Variants in ERC2 observed in about 807,000 individuals in gnomAD.
ERC2 encodes ERC protein 2.
ERC2 carries 42 observed loss-of-function variants against 114.8 expected under a neutral mutation model. That is an observed-to-expected ratio of 0.37 (90% CI 0.29 to 0.47). The LOEUF (loss-of-function observed/expected upper bound fraction) is 0.47. Ranked by LOEUF, ERC2 falls within the 20% of genes least tolerant of loss-of-function variation. The pLI is 0.99. For synonymous variants in ERC2, 454 were observed against 425.5 expected, an observed-to-expected ratio of 1.07 and a Z score of -0.82; for missense variants, 939 against 1,150.7, an observed-to-expected ratio of 0.82 and a Z score of 2.66.
chr3:56,445,649 G>A (rs1346264999), intron 1 of ERC2, among the ~76,000 whole-genome samples: 1 of 152,140 alleles, frequency 6.6e-6, no homozygotes, highest in Non-Finnish European at 1.5e-5. Context: ...TGCAGGATCT[G>A]AGTACAGCCA....
intron 2 of ERC2, among the ~76,000 whole-genome samples, chr3:56,420,177 CTTTTTTTTTTTT>C (rs34883402): frequency 5.5e-5 from 4 of 72,308 alleles, no homozygotes; most frequent in South Asian, 1.1e-3. Flanking sequence ...AGTGGTTATA[CTTTTTTTTTTTT>C]TTTTTTTTTT....
At chr3:56,421,397 C>A (rs554961989) in intron 2 of ERC2, among the ~76,000 whole-genome samples, 47 of 152,324 alleles carry the variant, frequency 3.1e-4, no homozygotes, top group African/African-American at 1.1e-3. Context: ...CTCAGAAAGA[C>A]CTTTTCCATA....
chr3:56,262,547 G>A (rs1057282151), intron 3 of ERC2, among the ~76,000 whole-genome samples: 2 of 152,204 alleles, frequency 1.3e-5, no homozygotes, highest in African/African-American at 2.4e-5. Flanking sequence ...GGCCAAAGGA[G>A]TAACAGATAT....
intron 10 of ERC2, among the ~76,000 whole-genome samples, chr3:55,999,078 C>T (rs547810453): frequency 3.3e-5 from 5 of 152,234 alleles, no homozygotes; most frequent in East Asian, 3.9e-4. Context: ...GAAAGACTCC[C>T]GATACCATCT....
At chr3:56,260,285 A>T (rs2052827264) in intron 3 of ERC2, among the ~76,000 whole-genome samples, 1 of 152,178 alleles carries the variant, frequency 6.6e-6, no homozygotes, top group Non-Finnish European at 1.5e-5. Context: ...ACTGCCAAAC[A>T]TCTTCTTATG....
intron 2 of ERC2, among the ~76,000 whole-genome samples, chr3:56,381,032 G>T (rs1457715188): frequency 2.0e-5 from 3 of 152,120 alleles, no homozygotes; most frequent in Non-Finnish European, 4.4e-5. Flanking sequence ...CTCCAAGGCT[G>T]CAAAATCAGA....
At chr3:55,765,524 G>T (rs1260617570) in intron 14 of ERC2, among the ~76,000 whole-genome samples, 1 of 152,124 alleles carries the variant, frequency 6.6e-6, no homozygotes, top group Non-Finnish European at 1.5e-5. Flanking sequence ...TGCAACTATT[G>T]TTATGGCTTT....
chr3:56,461,188 C>G (rs1258904647), intron 1 of ERC2, among the ~76,000 whole-genome samples: 2 of 152,260 alleles, frequency 1.3e-5, no homozygotes, highest in Admixed American at 6.5e-5. Flanking sequence ...TAAGGACAAG[C>G]TGGCCAGGCT....
intron 12 of ERC2, among the ~76,000 whole-genome samples, chr3:55,972,086 C>G (rs956485598): frequency 3.9e-5 from 6 of 152,128 alleles, no homozygotes; most frequent in African/African-American, 1.4e-4. Context: ...ATCCATCCTT[C>G]CATCCATCCA....
chr3:55,947,921 A>C (rs571561877), intron 13 of ERC2, among the ~76,000 whole-genome samples: 1 of 152,348 alleles, frequency 6.6e-6, no homozygotes, highest in East Asian at 1.9e-4. Context: ...TTAAAAGCCT[A>C]GACCCTGAAG....
intron 12 of ERC2, among the ~76,000 whole-genome samples, chr3:55,963,277 A>C (rs2068518642): frequency 6.6e-6 from 1 of 152,246 alleles, no homozygotes; most frequent in Non-Finnish European, 1.5e-5. Flanking sequence ...CCAAAAGCAG[A>C]AATTTGTATT....
intron 6 of ERC2, among the ~76,000 whole-genome samples, chr3:56,124,112 C>T (rs554576806): frequency 6.6e-6 from 1 of 152,198 alleles, no homozygotes; most frequent in African/African-American, 2.4e-5. Context: ...GGATTTGGCA[C>T]CTGTAAGTGT....
At position 55,537,154 on chromosome 3, in the gene ERC2, G is replaced by A. The variant is rs111363187; in HGVS notation, c.*40-25878C>T. Among the ~76,000 whole-genome samples the A allele has an allele frequency of 4.9e-4, 75 of 152,300 alleles. 1 individual carries two copies. The highest frequency in any genetic ancestry group is 4.6e-3 in the Admixed American group (70 of 15,300). The stretch of plus-strand genomic sequence containing the variant: ...AGGCCGCATGGGCTCCACCGACACC[G>A]GTAACTCACTGCAGACCAGCGGGGC... On this transcript the variant is annotated intron_variant, in intron 17 of 17. Coordinates refer to ENST00000288221, the MANE Select transcript of ERC2 (RefSeq NM_015576.3).
At chr3:55,693,714 T>A (rs1410281438) in intron 16 of ERC2, among the ~76,000 whole-genome samples, 1 of 145,016 alleles carries the variant, frequency 6.9e-6, no homozygotes, top group Non-Finnish European at 1.5e-5. Flanking sequence ...TTTTTTCTTC[T>A]TTTTTTTTTT....
At chr3:56,466,698 T>C (rs1055964580) in intron 1 of ERC2, among the ~76,000 whole-genome samples, 6 of 152,184 alleles carry the variant, frequency 3.9e-5, no homozygotes, top group African/African-American at 9.7e-5. Context: ...ATCCCTTCTA[T>C]TCATGTGACT....
At chr3:56,075,940 A>G (rs9817131) in intron 7 of ERC2, among the ~76,000 whole-genome samples, 30,284 of 151,994 alleles carry the variant, frequency 0.2, 3,413 homozygotes, top group African/African-American at 0.3. Flanking sequence ...TTTTTTTTCC[A>G]GAAGAAACTC....
chr3:56,311,888 T>C (rs1233996130), intron 2 of ERC2, among the ~76,000 whole-genome samples: 1 of 151,532 alleles, frequency 6.6e-6, no homozygotes, highest in African/African-American at 2.4e-5. Context: ...GCTCTCCATA[T>C]GCACAGGTCC....
intron 3 of ERC2, among the ~76,000 whole-genome samples, chr3:56,263,495 G>GC (rs896271031): frequency 6.6e-6 from 1 of 152,036 alleles, no homozygotes; most frequent in Non-Finnish European, 1.5e-5. Flanking sequence ...AGCTCCAGCA[G>GC]CCCCCCGCAG....
chr3:56,074,208 C>T (rs925089883), intron 7 of ERC2, among the ~76,000 whole-genome samples: 5 of 152,112 alleles, frequency 3.3e-5, no homozygotes, highest in African/African-American at 7.2e-5. Flanking sequence ...TTAAGAATAG[C>T]TCCATCCCTT....
Sources: gnomAD v4.1 joint callset for allele counts (sites outside exome capture counted in the v4.1 genomes callset) on GRCh38, gnomAD v4.1.1 for gene constraint, MANE v1.5 for transcripts, NCBI Gene and HGNC (gene_info 2026-07-23, HGNC 2026-07-21) for gene names.